NPC1L1: variants seen among roughly 807,000 people sequenced by gnomAD.
NPC1L1 encodes NPC1 like intracellular cholesterol transporter 1, also known as NPC1-like intracellular cholesterol transporter 1.
In NPC1L1, 98 loss-of-function variants were observed where a neutral mutation model predicts 117.0. The observed-to-expected ratio is 0.84, with a 90% confidence interval of 0.71 to 0.99. NPC1L1 has a LOEUF of 0.99. NPC1L1 is among the 50% of genes least tolerant of loss of function. The pLI is 0.00. For missense variants in NPC1L1, 1,540 were observed against 1,710.0 expected, an observed-to-expected ratio of 0.90 and a Z score of 1.75; for synonymous variants, 729 against 727.6, an observed-to-expected ratio of 1.00 and a Z score of -0.03.
intron 10 of NPC1L1, 59 bp downstream of exon 10, chr7:44,531,696 T>C: frequency 6.8e-7 from 1 of 1,464,956 alleles, no homozygotes; most frequent in Non-Finnish European, 9.4e-7. Flanking sequence ...TCCCTGCTGG[T>C]TGCTACTGCC....
intron 8 of NPC1L1, 145 bp downstream of exon 8, chr7:44,533,286 G>T: frequency 2.2e-6 from 2 of 918,478 alleles, no homozygotes; most frequent in South Asian, 1.6e-5. Flanking sequence ...GAGAATACAT[G>T]GCCTAAATAT....
intron 9 of NPC1L1, 43 bp downstream of exon 9, chr7:44,532,037 C>A: frequency 2.5e-6 from 4 of 1,614,000 alleles, no homozygotes; most frequent in Non-Finnish European, 3.4e-6. Context: ...GGCGAGGTCC[C>A]CACCTAGTGC....
chr7:44,523,104 G>A (rs1267806797), intron 10 of NPC1L1, among the ~76,000 whole-genome samples: 3 of 152,200 alleles, frequency 2.0e-5, no homozygotes, highest in African/African-American at 7.2e-5. Flanking sequence ...CTTCTGGGCT[G>A]GAGTGCAGTG....
At chr7:44,523,331 C>G (rs1053381948) in intron 10 of NPC1L1, among the ~76,000 whole-genome samples, 6 of 152,200 alleles carry the variant, frequency 3.9e-5, no homozygotes, top group African/African-American at 1.4e-4. Context: ...GCTGGGATTA[C>G]AGGCATGAGC....
chr7:44,522,355 G>T (rs1003347630), intron 10 of NPC1L1, 113 bp from the exon 11 acceptor site: 2 of 999,482 alleles, frequency 2.0e-6, no homozygotes, highest in Non-Finnish European at 3.0e-6. Context: ...AAAGGCACAT[G>T]TTCAGAGGTC....
At position 44,535,893 on chromosome 7, in the gene NPC1L1, A is replaced by C. The variant is rs150838872; in HGVS notation, c.1930T>G (p.Phe644Val). ...CCCAGGGCCAGAGAGATGTACAGGA[A>C]TATGACAATGTAGCTGGTGGCAAAG... ...PIFATSYIVI[F>V]LYISLALGSY... The change falls in exon 5 of 19, where the codon TTC becomes GTC. Residue 644 changes from phenylalanine (F) to valine (V), a missense_variant. Phe to Val is a conservative substitution (Grantham distance 50, BLOSUM62 -1). This residue lies in a region of NPC1L1 where 742 missense variants were observed against 873.6 expected (regional missense o/e 0.85). Coordinates refer to ENST00000381160, the MANE Select transcript of NPC1L1 (RefSeq NM_001101648.2). 4.3e-6 allele frequency: 7 copies of C among 1,613,526 alleles called. No individual in the cohort carries two copies. Among genetic ancestry groups the C allele is most frequent in the Non-Finnish European group, 5.9e-6 (7 of 1,180,030 alleles).
rs113685882 is a variant in NPC1L1, at chr7:44,517,285, C to G, written c.3209G>C (p.Arg1070Pro). The G allele has an allele frequency of 1.2e-6, 2 of 1,614,164 alleles. No individual in the cohort carries two copies. Among genetic ancestry groups the G allele is most frequent in the Non-Finnish European group, 1.7e-6 (2 of 1,180,022 alleles). Residue 1070 changes from arginine (R) to proline (P), a missense_variant, in exon 15 of 19, where the codon CGA becomes CCA. By Grantham distance (103) the Arg-to-Pro change is moderately radical. Transcript: ENST00000381160. ...QDYTEALRAA[R>P]ELAANITADL... ...AGCAGTGATGTTGGCTGCCAGCTCT[C>G]GAGCTGCCCGCAGAGCTTCTGTGTA...
At chr7:44,528,778 G>C (rs567656007) in intron 10 of NPC1L1, among the ~76,000 whole-genome samples, 6 of 152,194 alleles carry the variant, frequency 3.9e-5, no homozygotes, top group African/African-American at 1.4e-4. Flanking sequence ...AATCAAAAGA[G>C]AGTAGTAGGA....
chr7:44,539,422 G>C lies in NPC1L1; in HGVS notation c.975C>G (p.Leu325=). ...KMVDPKKGTS[L]SDKLSFSTHT... ...GGGTGGAGAAGCTGAGCTTGTCAGA[G>C]AGGCTGGTGCCCTTCTTGGGGTCCA... Residue 325 remains leucine, a synonymous_variant, in exon 2 of 19, where the codon CTC becomes CTG. Coordinates refer to ENST00000381160, the MANE Select transcript of NPC1L1 (RefSeq NM_001101648.2). The surrounding 1 kb of genome is among the most constrained non-coding windows in gnomAD (Gnocchi z 4.4). The C allele has an allele frequency of 1.2e-6, 2 of 1,614,090 alleles. No homozygotes were observed.
chr7:44,540,404 G>C, intron 1 of NPC1L1, 62 bp from the exon 2 acceptor site: 1 of 1,470,424 alleles, frequency 6.8e-7, no homozygotes, highest in African/African-American at 1.4e-5. Context: ...CCAGGCAGCA[G>C]GCAGCCAGGG....
At chr7:44,524,973 ACT>A (rs1801465712) in intron 10 of NPC1L1, among the ~76,000 whole-genome samples, 2 of 152,118 alleles carry the variant, frequency 1.3e-5, no homozygotes, top group Non-Finnish European at 2.9e-5. Context: ...GAATTAGCAA[ACT>A]GAAGATAAGA....
At chr7:44,537,892 C>A (rs1038534007) in intron 2 of NPC1L1, among the ~76,000 whole-genome samples, 2 of 152,184 alleles carry the variant, frequency 1.3e-5, no homozygotes, top group Non-Finnish European at 2.9e-5. Context: ...GTTCCTGGCA[C>A]AGACACTCTG....
intron 18 of NPC1L1, among the ~76,000 whole-genome samples, chr7:44,514,661 C>G (rs1282259259): frequency 6.6e-6 from 1 of 151,198 alleles, no homozygotes; most frequent in Non-Finnish European, 1.5e-5. Flanking sequence ...GAGAGAGACT[C>G]TGTCTAAAAA....
chr7:44,516,051 G>GCA, intron 17 of NPC1L1, 33 bp downstream of exon 17: 1 of 1,606,308 alleles, frequency 6.2e-7, no homozygotes, highest in Non-Finnish European at 8.5e-7. Context: ...GGTGTCGAGT[G>GCA]GGGCACAGGG....
At chr7:44,528,834 C>T (rs762633841) in intron 10 of NPC1L1, among the ~76,000 whole-genome samples, 5 of 151,588 alleles carry the variant, frequency 3.3e-5, no homozygotes, top group African/African-American at 4.8e-5. Context: ...TTTGGGAAGC[C>T]GAGGTGGGTG....
chr7:44,529,831 C>T (rs558234361), intron 10 of NPC1L1, among the ~76,000 whole-genome samples: 18 of 151,250 alleles, frequency 1.2e-4, no homozygotes, highest in Non-Finnish European at 1.9e-4. Flanking sequence ...GTCCAGAGTT[C>T]GAGACCAGCC....
chr7:44,539,748 C>G lies in NPC1L1; in HGVS notation c.649G>C (p.Asp217His), dbSNP rs1261819787. The G allele has an allele frequency of 1.2e-6, 2 of 1,614,048 alleles. No individual in the cohort carries two copies. Among genetic ancestry groups the G allele is most frequent in the African/African-American group, 2.7e-5 (2 of 74,936 alleles). Residue 217 changes from aspartate to histidine, a missense_variant, in exon 2 of 19, where the codon GAC (aspartate) becomes CAC (histidine). Asp to His is a moderately conservative substitution (Grantham distance 81, BLOSUM62 -1). This residue lies in a region of NPC1L1 where 793 missense variants were observed against 820.4 expected (regional missense o/e 0.97). Coordinates refer to ENST00000381160, the MANE Select transcript of NPC1L1 (RefSeq NM_001101648.2). The surrounding 1 kb of genome is among the most constrained non-coding windows in gnomAD (Gnocchi z 4.4). ...GDTGNGLAPL[D>H]ITFHLLEPGQ... ...GGCTCCAAGAGGTGGAAGGTGATGT[C>G]CAGTGGGGCCAGACCATTGCCTGTG...
Position 44,515,885 on chromosome 7 carries a change from G to C in NPC1L1, c.3714C>G (p.Phe1238Leu). 1 of 1,614,200 alleles carries C rather than the reference G, an allele frequency of 6.2e-7. No individual in the cohort carries two copies. The highest frequency in any genetic ancestry group is 8.5e-7 in the Non-Finnish European group (1 of 1,180,026). Residue 1238 changes from phenylalanine to leucine, a missense_variant, in exon 18 of 19, where the codon TTC becomes TTG. Transcript: ENST00000381160. ...GLAKAQLIQI[F>L]FFRLNLLITL... is the part of the protein sequence containing the mutation. ...TGATCAGGAGGTTGAGGCGGAAGAA[G>C]AAGATCTGAATGAGCTGGGCCTTGG...
At chr7:44,525,027 A>T (rs1038276739) in intron 10 of NPC1L1, among the ~76,000 whole-genome samples, 15 of 152,138 alleles carry the variant, frequency 9.9e-5, no homozygotes, top group Non-Finnish European at 5.9e-5. Flanking sequence ...AGGAAAAAAA[A>T]TAACGAAAGT....
Sources: allele counts gnomAD v4.1 joint callset (sites outside exome capture counted in the v4.1 genomes callset), GRCh38; gene constraint gnomAD v4.1.1; regional missense constraint gnomAD v4.1.1; non-coding constraint Gnocchi (gnomAD v3.1); transcripts MANE v1.5; gene names NCBI Gene and HGNC (gene_info 2026-07-23, HGNC 2026-07-21).